Variants in HEATR5B observed in about 807,000 individuals in gnomAD.
The protein encoded by HEATR5B is HEAT repeat containing 5B, also known as HEAT repeat-containing protein 5B.
HEATR5B carries 156 observed loss-of-function variants against 224.1 expected under a neutral mutation model. That is an observed-to-expected ratio of 0.70 (90% CI 0.61 to 0.80). HEATR5B has a LOEUF of 0.80. Ranked by LOEUF, HEATR5B falls within the 30% of genes least tolerant of loss-of-function variation. The pLI, the probability that HEATR5B is intolerant of heterozygous loss-of-function variation, is 0.00. For missense variants in HEATR5B, 2,323 were observed against 2,535.5 expected (o/e 0.92, Z 1.80); for synonymous variants, 1,027 against 893.0 (o/e 1.15, Z -2.68).
At chr2:37,021,886 CAAAAAAA>C (rs3080799) in intron 24 of HEATR5B, among the ~76,000 whole-genome samples, 32 of 126,488 alleles carry the variant, frequency 2.5e-4, no homozygotes, top group Non-Finnish European at 3.9e-4. Flanking sequence ...GACCCTGTTT[CAAAAAAA>C]AAAAAAAAAA....
At chr2:37,059,614 C>G (rs929013240) in intron 12 of HEATR5B, among the ~76,000 whole-genome samples, 3 of 151,116 alleles carry the variant, frequency 2.0e-5, no homozygotes, top group African/African-American at 7.3e-5. Context: ...CAGGCAAGCA[C>G]CAGCACGCCT....
intron 22 of HEATR5B, 105 bp from the exon 23 acceptor site, chr2:37,029,025 CAAA>C (rs1668954915): frequency 9.2e-7 from 1 of 1,092,018 alleles, no homozygotes; most frequent in Admixed American, 2.3e-5. Context: ...ACAACAGCCA[CAAA>C]ACCAGCTAGC....
intron 33 of HEATR5B, among the ~76,000 whole-genome samples, chr2:36,993,740 A>G (rs1279837311): frequency 1.2e-4 from 19 of 152,158 alleles, no homozygotes; most frequent in African/African-American, 3.4e-4. Context: ...TTACAAAGCA[A>G]TATGTCTTAG....
intron 5 of HEATR5B, 64 bp from the exon 6 acceptor site, chr2:37,072,345 A>G (rs764632883): frequency 3.3e-6 from 4 of 1,211,254 alleles, no homozygotes; most frequent in Non-Finnish European, 4.7e-6. Flanking sequence ...ATGGAATAGC[A>G]AGAACCAGAC....
chr2:37,032,191 T>C lies in HEATR5B; in HGVS notation c.3361+438A>G, dbSNP rs373361930. 3.3e-5 allele frequency among the ~76,000 whole-genome samples: 5 copies of C among 152,240 alleles called. No homozygotes were observed. The East Asian group carries it at 7.7e-4, about 24-fold the overall frequency. Reference sequence around the variant, plus strand: ...CAGAAATATTCTGATACTAAATACTTTTCAGTTTTTTTAAGCTGCAAATAA... The same window carrying C: ...CAGAAATATTCTGATACTAAATACTCTTCAGTTTTTTTAAGCTGCAAATAA... On this transcript the variant is annotated intron_variant, in intron 22 of 35. Transcript: ENST00000233099.
rs757420274 is a variant in HEATR5B at position 37,058,888 on chromosome 2, T to G, written c.1949A>C (p.His650Pro). The G allele has an allele frequency of 9.5e-6, 15 of 1,575,414 alleles. No individual in the cohort carries two copies. Among genetic ancestry groups the G allele is most frequent in the Non-Finnish European group, 1.1e-5 (13 of 1,147,534 alleles). Residue 650 changes from histidine (H) to proline (P), a missense_variant and splice_region_variant, in exon 13 of 36, where the codon CAC becomes CCC. By Grantham distance (77) the His-to-Pro change is moderately conservative. Around this residue, in one of 12 missense-constraint regions of HEATR5B, gnomAD observed 502 missense variants for 517.8 expected, o/e 0.97. Transcript: ENST00000233099. ...GAACTTGTCTCAATCGCTTACTTAC[T>G]GTGACATCATAGTCATGGCACATTC... ...PIECAMTMMSHIPSVMKAHGA... is the reference protein window; with the variant it reads ...PIECAMTMMSPIPSVMKAHGA...
At chr2:36,995,088 T>G (rs1399188132) in intron 33 of HEATR5B, among the ~76,000 whole-genome samples, 1 of 68,878 alleles carries the variant, frequency 1.5e-5, no homozygotes, top group Non-Finnish European at 2.5e-5. Flanking sequence ...TTATTCCTTG[T>G]TTTTTTTTTT....
intron 33 of HEATR5B, among the ~76,000 whole-genome samples, chr2:36,992,636 A>G (rs948897740): frequency 6.6e-6 from 1 of 152,184 alleles, no homozygotes; most frequent in African/African-American, 2.4e-5. Context: ...AAACCCCATC[A>G]TAGGAAATTT....
At chr2:37,071,325 G>T (rs1671893900) in intron 6 of HEATR5B, among the ~76,000 whole-genome samples, 2 of 152,144 alleles carry the variant, frequency 1.3e-5, no homozygotes, top group Admixed American at 1.3e-4. Flanking sequence ...CTGGGGCAGG[G>T]TTCACTCAGC....
intron 23 of HEATR5B, 127 bp downstream of exon 23, chr2:37,028,554 A>T (rs997470340): frequency 3.0e-6 from 2 of 675,142 alleles, no homozygotes; most frequent in Non-Finnish European, 4.6e-6. Flanking sequence ...AGATTTGTAG[A>T]TCAAAAGTTA....
chr2:37,029,565 G>A (rs2148464847), intron 22 of HEATR5B, among the ~76,000 whole-genome samples: 1 of 152,304 alleles, frequency 6.6e-6, no homozygotes, highest in East Asian at 1.9e-4. Flanking sequence ...TCAGAAGGCT[G>A]AGGCAGGAGA....
intron 33 of HEATR5B, among the ~76,000 whole-genome samples, chr2:36,992,694 GCAATTTTTTAT>G (rs1666412665): frequency 6.6e-6 from 1 of 151,902 alleles, no homozygotes; most frequent in South Asian, 2.1e-4. Context: ...AATGCTGCAA[GCAATTTTTTAT>G]CAAAAATTAT....
intron 35 of HEATR5B, among the ~76,000 whole-genome samples, chr2:36,985,621 C>CTTTT (rs558499229): frequency 4.3e-5 from 4 of 92,322 alleles, no homozygotes; most frequent in Non-Finnish European, 6.3e-5. Context: ...CCACTCCTGG[C>CTTTT]TTTTTTTTTT....
At chr2:37,076,397 G>C (rs185409160) in intron 4 of HEATR5B, among the ~76,000 whole-genome samples, 11 of 152,236 alleles carry the variant, frequency 7.2e-5, no homozygotes, top group Admixed American at 6.5e-4. Context: ...TGTGACAAAG[G>C]AGACAGAGAT....
At chr2:36,997,740 G>C (rs1420560963) in intron 33 of HEATR5B, among the ~76,000 whole-genome samples, 4 of 151,844 alleles carry the variant, frequency 2.6e-5, no homozygotes, top group African/African-American at 9.7e-5. Context: ...CTAATTTTTT[G>C]TATCTTTAGT....
chr2:37,031,204 C>G (rs1257950881), intron 22 of HEATR5B, among the ~76,000 whole-genome samples: 1 of 152,098 alleles, frequency 6.6e-6, no homozygotes, highest in South Asian at 2.1e-4. Flanking sequence ...ACCTTTTATT[C>G]CTTTTGTCAT....
At chr2:37,051,866 A>C (rs1430952601) in intron 17 of HEATR5B, among the ~76,000 whole-genome samples, 1 of 151,762 alleles carries the variant, frequency 6.6e-6, no homozygotes, top group African/African-American at 2.4e-5. Context: ...CAGCCTCCCC[A>C]GTAGCTGGGA....
chr2:36,985,936 G>A (rs1309483495), intron 35 of HEATR5B, among the ~76,000 whole-genome samples: 2 of 151,598 alleles, frequency 1.3e-5, no homozygotes, highest in African/African-American at 4.8e-5. Flanking sequence ...TTATACAAAT[G>A]ATATATATAT....
chr2:37,002,267 G>A, intron 32 of HEATR5B, 39 bp downstream of exon 32: 3 of 1,606,626 alleles, frequency 1.9e-6, no homozygotes, highest in Non-Finnish European at 2.6e-6. Flanking sequence ...TTTGTCTACT[G>A]TAATATAATG....
Sources: allele counts gnomAD v4.1 joint callset (sites outside exome capture counted in the v4.1 genomes callset), GRCh38; gene constraint gnomAD v4.1.1; regional missense constraint gnomAD v4.1.1; transcripts MANE v1.5; gene names NCBI Gene and HGNC (gene_info 2026-07-23, HGNC 2026-07-21).